Variants in ACIN1 observed in about 807,000 individuals in gnomAD.
The protein encoded by ACIN1 is apoptotic chromatin condensation inducer in the nucleus.
ACIN1 carries 16 observed loss-of-function variants against 146.6 expected under a neutral mutation model. The ratio of observed to expected loss-of-function variants is 0.11; its 90% confidence interval spans 0.07 to 0.17. ACIN1 has a LOEUF of 0.17. Ranked by LOEUF, ACIN1 falls within the 10% of genes least tolerant of loss-of-function variation. The pLI, the probability that ACIN1 is intolerant of heterozygous loss-of-function variation, is 1.00. For missense variants in ACIN1, 1,357 were observed against 1,609.3 expected, an observed-to-expected ratio of 0.84 and a Z score of 2.68; for synonymous variants, 569 against 582.7, an observed-to-expected ratio of 0.98 and a Z score of 0.34.
At chr14:23,084,948 A>G (rs533240339) in intron 4 of ACIN1, among the ~76,000 whole-genome samples, 1 of 152,336 alleles carries the variant, frequency 6.6e-6, no homozygotes, top group Non-Finnish European at 1.5e-5. Flanking sequence ...AGTTTTCATA[A>G]ATGTTAGGCA....
chr14:23,083,314 C>T (rs990393433), intron 4 of ACIN1, among the ~76,000 whole-genome samples: 2 of 152,046 alleles, frequency 1.3e-5, no homozygotes, highest in African/African-American at 4.8e-5. Context: ...AAGTAATCCT[C>T]CCACCCCGGT....
At chr14:23,073,455 G>A (rs772480787) in intron 8 of ACIN1, among the ~76,000 whole-genome samples, 2 of 152,120 alleles carry the variant, frequency 1.3e-5, no homozygotes, top group African/African-American at 2.4e-5. Context: ...TGAGGTGGGC[G>A]GATCACCAGC....
intron 4 of ACIN1, among the ~76,000 whole-genome samples, chr14:23,085,109 C>T (rs1337640338): frequency 5.3e-5 from 8 of 151,778 alleles, no homozygotes; most frequent in African/African-American, 4.8e-5. Flanking sequence ...TTTGGGAGGC[C>T]GAGGTGGGCG....
chr14:23,061,093 A>G lies in ACIN1; in HGVS notation c.3516T>C (p.Thr1172=). 1 of 1,614,012 alleles carries G rather than the reference A, an allele frequency of 6.2e-7. No individual in the cohort carries two copies. The highest frequency in any genetic ancestry group is 8.5e-7 in the Non-Finnish European group (1 of 1,180,016). The part of the protein sequence containing the change: ...AAPCIYWLPL[T]DSQIVQKEAE... ...GAAGAAGAGCACTCACCTGGCTGTC[A>G]GTCAGTGGGAGCCAATAGATGCAGG... The change falls in exon 18 of 19, where the codon ACT becomes ACC. Residue 1172 remains threonine (T), a synonymous_variant. Coordinates refer to ENST00000605057, the MANE Select transcript of ACIN1 (RefSeq NM_001386863.1).
At chr14:23,071,329 C>A in intron 8 of ACIN1, 1 of 1,512,588 alleles carries the variant, frequency 6.6e-7, no homozygotes, top group Non-Finnish European at 8.8e-7. Flanking sequence ...GATGTAGCAA[C>A]CGGGGATCCA....
chr14:23,069,490 C>T lies in ACIN1; in HGVS notation c.2251G>A (p.Glu751Lys). The T allele has an allele frequency of 5.0e-6, 8 of 1,613,932 alleles. No individual in the cohort carries two copies. The highest frequency in any genetic ancestry group is 6.8e-6 in the Non-Finnish European group (8 of 1,179,888). Residue 751 changes from glutamate (E) to lysine (K), a missense_variant, in exon 9 of 19, where the codon GAG (glutamate) becomes AAG (lysine). By Grantham distance (56) the Glu-to-Lys change is moderately conservative. Transcript: ENST00000605057. ...TGGATGTTTACCTCTTTCTTCTCCT[C>T]ATCTTCAACACTGCCCTCCGGGCGG... is the stretch of plus-strand genomic sequence containing the variant. ...DDRPEGSVEDEEKKESSLPKS... is the reference protein window; with the variant it reads ...DDRPEGSVEDKEKKESSLPKS...
chr14:23,071,290 A>G, intron 8 of ACIN1: 3 of 1,499,968 alleles, frequency 2.0e-6, no homozygotes, highest in East Asian at 4.9e-5. Context: ...CCTCCTCCCC[A>G]GCCACCCGAT....
At chr14:23,062,893 C>T in intron 14 of ACIN1, 36 bp downstream of exon 14, 1 of 1,576,132 alleles carries the variant, frequency 6.3e-7, no homozygotes, top group East Asian at 2.2e-5. Flanking sequence ...AACTTAACCA[C>T]TAAGCAAGCT....
At chr14:23,091,190 C>A (rs1381166289) in intron 2 of ACIN1, among the ~76,000 whole-genome samples, 1 of 152,122 alleles carries the variant, frequency 6.6e-6, no homozygotes, top group Non-Finnish European at 1.5e-5. Flanking sequence ...CAAGTGTGAG[C>A]CACCGTGCCC....
rs986675945 is a variant in ACIN1, at chr14:23,068,586, G to A, written c.2265+890C>T. The A allele has an allele frequency of 6.1e-6, 6 of 985,796 alleles. No individual in the cohort carries two copies. The highest frequency in any genetic ancestry group is 1.1e-4 in the East Asian group (1 of 8,826). 61.1% of individuals were successfully genotyped at this position (985,796 alleles called of 1,614,324 possible). On this transcript the variant is annotated intron_variant, in intron 9 of 18. Coordinates refer to ENST00000605057, the MANE Select transcript of ACIN1 (RefSeq NM_001386863.1). The surrounding 1 kb of genome is among the most constrained non-coding windows in gnomAD (Gnocchi z 4.3). ...TCTGATTGGGCAGCTCAGTAGCAGC[G>A]GGTGGGTCCAGAGGAAGAGGCGGCA...
chr14:23,068,579 T>A lies in ACIN1; in HGVS notation c.2265+897A>T, dbSNP rs2047528825. 1.0e-6 allele frequency: 1 copy of A among 985,862 alleles called. No individual in the cohort carries two copies. The highest frequency in any genetic ancestry group is 1.2e-6 in the Non-Finnish European group (1 of 829,956). The allele number at this position is 985,862 out of a possible 1,614,324, so 61.1% of individuals were successfully genotyped here. A position where few individuals can be genotyped will look rare whatever the true frequency, so the allele number is the denominator to read the frequency against. On this transcript the variant is annotated intron_variant, in intron 9 of 18. Coordinates refer to ENST00000605057, the MANE Select transcript of ACIN1 (RefSeq NM_001386863.1). This position sits in a 1 kb window ranked among gnomAD's most constrained non-coding sequence, Gnocchi z 4.3. ...ACTTGGCTCTGATTGGGCAGCTCAGTAGCAGCGGGTGGGTCCAGAGGAAGA... is the reference window on the plus strand; with the variant it reads ...ACTTGGCTCTGATTGGGCAGCTCAGAAGCAGCGGGTGGGTCCAGAGGAAGA...
intron 8 of ACIN1, chr14:23,071,718 C>T: frequency 1.5e-6 from 1 of 661,028 alleles, no homozygotes; most frequent in Non-Finnish European, 2.4e-6. Flanking sequence ...CTTCTTTTCT[C>T]AAGTTACAGC....
rs2047532296 is a variant in ACIN1, at chr14:23,068,691, GGAA to G, written c.2265+782_2265+784del. 2 of 985,620 alleles carry G rather than the reference GGAA, an allele frequency of 2.0e-6. No individual in the cohort carries two copies. The highest frequency in any genetic ancestry group is 2.4e-6 in the Non-Finnish European group (2 of 829,960). The allele number at this position is 985,620 out of a possible 1,614,324, so 61.1% of individuals were successfully genotyped here. A position where few individuals can be genotyped will look rare whatever the true frequency, so the allele number is the denominator to read the frequency against. On this transcript the variant is annotated intron_variant, in intron 9 of 18. Coordinates refer to ENST00000605057, the MANE Select transcript of ACIN1 (RefSeq NM_001386863.1). The surrounding 1 kb of genome is among the most constrained non-coding windows in gnomAD (Gnocchi z 4.3). ...GAGGTACTTGGACAAAGTTTTACGGGGAAGAAGGACCTTGTAATAAATAATATT... is the reference window on the plus strand; with the variant it reads ...GAGGTACTTGGACAAAGTTTTACGGGGAAGGACCTTGTAATAAATAATATT...
At chr14:23,094,125 A>AACACAC (rs751362808) in intron 1 of ACIN1, among the ~76,000 whole-genome samples, 1 of 151,634 alleles carries the variant, frequency 6.6e-6, no homozygotes, top group East Asian at 1.9e-4. Context: ...CACACACACA[A>AACACAC]ACACACACAC....
Position 23,067,597 on chromosome 14 carries a change from GA to G in ACIN1, c.2266-1590del, listed in dbSNP as rs2047499951. 2 of 985,834 alleles carry G rather than the reference GA, an allele frequency of 2.0e-6. No individual in the cohort carries two copies. Among genetic ancestry groups the G allele is most frequent in the African/African-American group, 1.7e-5 (1 of 57,214 alleles). 61.1% of individuals were successfully genotyped at this position (985,834 alleles called of 1,614,324 possible). A position where few individuals can be genotyped will look rare whatever the true frequency, so the allele number is the denominator to read the frequency against. On this transcript the variant is annotated intron_variant, in intron 9 of 18. Transcript: ENST00000605057. This position sits in a 1 kb window ranked among gnomAD's most constrained non-coding sequence, Gnocchi z 4.6. ...CAGGCTCAGCGAGGGATAGAGGGGG[GA>G]AAGGGGCAGAGACATCAGTCCTGGC... is the stretch of plus-strand genomic sequence containing the variant.
intron 1 of ACIN1, chr14:23,094,610 T>C (rs1252800272): frequency 1.1e-6 from 1 of 892,730 alleles, no homozygotes; most frequent in Non-Finnish European, 1.3e-6. Flanking sequence ...CCAGCCCAAC[T>C]CGCCCCCCTC....
rs750560573 is a variant in ACIN1 at position 23,063,428 on chromosome 14, T to C, written c.2737+8A>G. 3.1e-6 allele frequency: 5 copies of C among 1,613,500 alleles called. No homozygotes were observed. The highest frequency in any genetic ancestry group is 4.2e-6 in the Non-Finnish European group (5 of 1,179,774). On this transcript the variant is annotated splice_region_variant and intron_variant, in intron 13 of 18. Coordinates refer to ENST00000605057, the MANE Select transcript of ACIN1 (RefSeq NM_001386863.1). ...CGCATTACATTTCTCTCACAATATG[T>C]CACTCACCTTTCTTTACTTCATGCT...
intron 4 of ACIN1, among the ~76,000 whole-genome samples, chr14:23,082,949 AG>A (rs1411558116): frequency 1.4e-5 from 2 of 147,592 alleles, no homozygotes; most frequent in African/African-American, 5.1e-5. Context: ...CATGTTGCCT[AG>A]GCTGGTTCGA....
At chr14:23,059,519 G>C (rs373371497) in intron 18 of ACIN1, 45 bp from the exon 19 acceptor site, 156 of 1,511,246 alleles carry the variant, frequency 1.0e-4, no homozygotes, top group Non-Finnish European at 1.4e-4. Context: ...CTCAGTCCTG[G>C]TCACAGCCTC....
Sources: gnomAD v4.1 joint callset for allele counts (sites outside exome capture counted in the v4.1 genomes callset) on GRCh38, gnomAD v4.1.1 for gene constraint, Gnocchi (gnomAD v3.1) non-coding constraint, MANE v1.5 for transcripts, NCBI Gene and HGNC (gene_info 2026-07-23, HGNC 2026-07-21) for gene names.